Variants in JAG1 observed in about 807,000 individuals in gnomAD.
The protein encoded by JAG1 is jagged canonical Notch ligand 1, also known as protein jagged-1.
JAG1 carries 23 observed loss-of-function variants against 148.7 expected under a neutral mutation model. The ratio of observed to expected loss-of-function variants is 0.15; its 90% CI spans 0.11 to 0.22. JAG1 has a LOEUF of 0.22. Ranked by LOEUF, JAG1 falls within the 10% of genes least tolerant of loss-of-function variation. The pLI, the probability that JAG1 is intolerant of heterozygous loss-of-function variation, is 1.00. For missense variants in JAG1, 1,054 were observed against 1,611.2 expected, an observed-to-expected ratio of 0.65 and a Z score of 5.92; for synonymous variants, 572 against 598.3, an observed-to-expected ratio of 0.96 and a Z score of 0.64.
chr20:10,655,347 C>G (rs1293296599), intron 5 of JAG1, among the ~76,000 whole-genome samples: 1 of 152,148 alleles, frequency 6.6e-6, no homozygotes, highest in Non-Finnish European at 1.5e-5. Flanking sequence ...GGGACGGAGC[C>G]CACGAACCTG....
At position 10,637,912 on chromosome 20, in the gene JAG1, GT is replaced by G. The variant is rs1156902057; in HGVS notation, c.*1585del. ...CGATTACCAGAACAGACTCAGCAGG[GT>G]GGCAGAAGCACATGGCAAAGCCGGT... is the stretch of plus-strand genomic sequence containing the variant. On this transcript the variant is annotated 3_prime_UTR_variant, in exon 26 of 26. Transcript: ENST00000254958. The G allele has an allele frequency of 6.6e-6, 1 of 152,618 alleles. No homozygotes were observed. Among genetic ancestry groups the G allele is most frequent in the African/African-American group, 2.4e-5 (1 of 41,448 alleles). 9.5% of individuals were successfully genotyped at this position (152,618 alleles called of 1,614,324 possible). A position where few individuals can be genotyped will look rare whatever the true frequency, so the allele number is the denominator to read the frequency against.
At chr20:10,652,707 G>C in intron 5 of JAG1, 109 bp from the exon 6 acceptor site, 7 of 1,214,320 alleles carry the variant, frequency 5.8e-6, no homozygotes, top group Non-Finnish European at 8.3e-6. Context: ...TTGTTTCTGG[G>C]GACAGGAAGG....
intron 2 of JAG1, among the ~76,000 whole-genome samples, chr20:10,666,183 T>C (rs1415824993): frequency 6.6e-6 from 1 of 152,046 alleles, no homozygotes; most frequent in African/African-American, 2.4e-5. Context: ...AGAAAAAGGA[T>C]TCCCTCCAAG....
Position 10,642,542 on chromosome 20 carries a change from T to G in JAG1, c.2518A>C (p.Asn840His). The G allele has an allele frequency of 6.2e-7, 1 of 1,614,106 alleles. No individual in the cohort carries two copies. Among genetic ancestry groups the G allele is most frequent in the African/African-American group, 1.3e-5 (1 of 75,036 alleles). Residue 840 changes from asparagine (N) to histidine (H), a missense_variant, in exon 21 of 26, where the codon AAT becomes CAT. This residue lies in a region of JAG1 where 342 missense variants were observed against 514.6 expected (regional missense o/e 0.66). Coordinates refer to ENST00000254958, the MANE Select transcript of JAG1 (RefSeq NM_000214.3). ...AFGATCVDEINGYRCVCPPGH... is the reference protein window; with the variant it reads ...AFGATCVDEIHGYRCVCPPGH... ...GGAGGGCAGACACACCGGTAGCCAT[T>G]GATCTCATCCACACAGGTCGCTCCA... is the stretch of plus-strand genomic sequence containing the variant.
Position 10,673,023 on chromosome 20 carries a change from G to GAGGT in JAG1, c.82-21_82-18dup, listed in dbSNP as rs1278698716. The GAGGT allele has an allele frequency of 1.2e-6, 2 of 1,603,620 alleles. No individual in the cohort carries two copies. Among genetic ancestry groups the GAGGT allele is most frequent in the Non-Finnish European group, 1.7e-6 (2 of 1,179,728 alleles). On this transcript the variant is annotated splice_polypyrimidine_tract_variant and intron_variant, in intron 1 of 25. Transcript: ENST00000254958. This position sits in a 1 kb window ranked among gnomAD's most constrained non-coding sequence, Gnocchi z 4.7. Reference sequence around the variant, plus strand: ...CCCACACACCTGCCGGCGAGGGAAGGAGGTAGGTCAGCGCGGGAGAAAGCT... The same window carrying GAGGT: ...CCCACACACCTGCCGGCGAGGGAAGGAGGTAGGTAGGTCAGCGCGGGAGAAAGCT...
intron 21 of JAG1, among the ~76,000 whole-genome samples, chr20:10,642,126 C>T (rs1382024761): frequency 6.6e-6 from 1 of 152,162 alleles, no homozygotes; most frequent in African/African-American, 2.4e-5. Context: ...CTTTGACTAG[C>T]CTCTTGCACA....
intron 2 of JAG1, among the ~76,000 whole-genome samples, chr20:10,672,168 C>T (rs771870759): frequency 9.2e-5 from 14 of 152,124 alleles, no homozygotes; most frequent in Non-Finnish European, 1.5e-4. Flanking sequence ...GGAGAGCGCC[C>T]CCGCACACAC....
At position 10,642,986 on chromosome 20, in the gene JAG1, A is replaced by G. The variant is rs534470542; in HGVS notation, c.2459-385T>C. On this transcript the variant is annotated intron_variant, in intron 20 of 25. Transcript: ENST00000254958. ...CTCTTGTGGTATCATGAAAGTAGCCATAGACAATACATAAATGAATGTGTG... is the reference window on the plus strand; with the variant it reads ...CTCTTGTGGTATCATGAAAGTAGCCGTAGACAATACATAAATGAATGTGTG... 5.2e-5 allele frequency among the ~76,000 whole-genome samples: 8 copies of G among 152,388 alleles called. No individual in the cohort carries two copies. In the South Asian group the frequency reaches 1.7e-3, roughly 32 times the overall value.
Position 10,673,509 on chromosome 20 carries a change from C to A in JAG1, c.22G>T (p.Gly8Cys), listed in dbSNP as rs1417343061. The change falls in exon 1 of 26, where the codon GGC becomes TGC. Residue 8 changes from glycine to cysteine, a missense_variant. By Grantham distance (159) the Gly-to-Cys change is radical. This residue lies in a region of JAG1 where 151 missense variants were observed against 211.1 expected (regional missense o/e 0.72). Coordinates refer to ENST00000254958, the MANE Select transcript of JAG1 (RefSeq NM_000214.3). The surrounding 1 kb of genome is among the most constrained non-coding windows in gnomAD (Gnocchi z 4.7). Reference sequence around the variant, plus strand: ...AGGCTTAGGGGGCGCCCGGACCGGCCGCGCGTCCGTGGGGAACGCATCGCT... The same window carrying A: ...AGGCTTAGGGGGCGCCCGGACCGGCAGCGCGTCCGTGGGGAACGCATCGCT... MRSPRTR[G>C]RSGRPLSLLL... 1 of 1,265,320 alleles carries A rather than the reference C, an allele frequency of 7.9e-7. No individual in the cohort carries two copies. The highest frequency in any genetic ancestry group is 1.6e-5 in the African/African-American group (1 of 64,486). 78.4% of individuals were successfully genotyped at this position (1,265,320 alleles called of 1,614,324 possible).
intron 2 of JAG1, among the ~76,000 whole-genome samples, chr20:10,672,388 G>C (rs140190717): frequency 6.6e-6 from 1 of 152,174 alleles, no homozygotes; most frequent in Non-Finnish European, 1.5e-5. Context: ...GCTTGGGGCC[G>C]GGAGAGTTAC....
intron 2 of JAG1, among the ~76,000 whole-genome samples, chr20:10,669,583 A>AAAAAAAAATAG (rs2067481704): frequency 7.2e-6 from 1 of 139,622 alleles, no homozygotes; most frequent in African/African-American, 2.7e-5. Context: ...AAAAAAAAAA[A>AAAAAAAAATAG]AAAAAGTTGA....
intron 13 of JAG1, 77 bp downstream of exon 13, chr20:10,647,883 A>C: frequency 6.8e-7 from 1 of 1,473,440 alleles, no homozygotes; most frequent in Middle Eastern, 2.2e-4. Flanking sequence ...TCTCAAGTGT[A>C]ACAAGGGGCA....
rs1311151273 is a variant in JAG1 at position 10,652,108 on chromosome 20, C to T, written c.1006+23G>A. ...GTACAGAAAAATTAGACAAAGGGCT[C>T]TCATTCATCTTGGACCACTTACCAA... On this transcript the variant is annotated intron_variant, in intron 7 of 25. Coordinates refer to ENST00000254958, the MANE Select transcript of JAG1 (RefSeq NM_000214.3). 5.0e-6 allele frequency: 8 copies of T among 1,613,356 alleles called. No individual in the cohort carries two copies. The Admixed American group carries it at 6.7e-5, about 13-fold the overall frequency.
rs1004616974 is a variant in JAG1, at chr20:10,645,537, A to G, written c.2000-68T>C. 1 of 1,238,638 alleles carries G rather than the reference A, an allele frequency of 8.1e-7. No individual in the cohort carries two copies. Among genetic ancestry groups the G allele is most frequent in the Non-Finnish European group, 1.2e-6 (1 of 843,992 alleles). 76.7% of individuals were successfully genotyped at this position (1,238,638 alleles called of 1,614,324 possible). A position where few individuals can be genotyped will look rare whatever the true frequency, so the allele number is the denominator to read the frequency against. The stretch of plus-strand genomic sequence containing the variant: ...GACCATTCACGACAGGCGAGAGCCA[A>G]GCCTTTCCTACTGCTTACATCCAAC... On this transcript the variant is annotated intron_variant, in intron 15 of 25. Coordinates refer to ENST00000254958, the MANE Select transcript of JAG1 (RefSeq NM_000214.3). The surrounding 1 kb of genome is among the most constrained non-coding windows in gnomAD (Gnocchi z 6.1).
chr20:10,650,521 G>A (rs776502107), intron 8 of JAG1, 161 bp from the exon 9 acceptor site: 25 of 628,400 alleles, frequency 4.0e-5, no homozygotes, highest in Non-Finnish European at 7.2e-5. Flanking sequence ...CGATAAGGCC[G>A]AAGCCTTGAT....
Position 10,652,212 on chromosome 20 carries a change from C to T in JAG1, c.925G>A (p.Gly309Arg), listed in dbSNP as rs750195672. Residue 309 changes from glycine to arginine, a missense_variant, in exon 7 of 26, where the codon GGG (glycine) becomes AGG (arginine). Coordinates refer to ENST00000254958, the MANE Select transcript of JAG1 (RefSeq NM_000214.3). ...GGGCCTGTGTTGCTACAAGTTCCCCCGTTGAGACACGGCTGATGAGTCCCA... is the reference window on the plus strand; with the variant it reads ...GGGCCTGTGTTGCTACAAGTTCCCCTGTTGAGACACGGCTGATGAGTCCCA... ...YCGTHQPCLN[G>R]GTCSNTGPDK... is the part of the protein sequence containing the mutation. 7 of 1,613,932 alleles carry T rather than the reference C, an allele frequency of 4.3e-6. No individual in the cohort carries two copies. The highest frequency in any genetic ancestry group is 1.7e-5 in the Admixed American group (1 of 59,998).
chr20:10,669,268 C>T (rs1424781984), intron 2 of JAG1, among the ~76,000 whole-genome samples: 3 of 152,088 alleles, frequency 2.0e-5, no homozygotes, highest in African/African-American at 7.2e-5. Context: ...CACACATGCT[C>T]TTTCTTTGTA....
intron 2 of JAG1, among the ~76,000 whole-genome samples, chr20:10,668,108 A>AAAAAC (rs1427703151): frequency 6.6e-6 from 1 of 151,434 alleles, no homozygotes; most frequent in Non-Finnish European, 1.5e-5. Context: ...AAAAAAAAAA[A>AAAAAC]AAAAAAAACA....
intron 2 of JAG1, among the ~76,000 whole-genome samples, chr20:10,669,547 C>CCAAAAAAA (rs2067480718): frequency 4.5e-5 from 2 of 44,198 alleles, no homozygotes; most frequent in African/African-American, 1.7e-4. Context: ...TTGGATTTTC[C>CCAAAAAAA]AAAAAAAAAA....
Sources: gnomAD v4.1 joint callset for allele counts (sites outside exome capture counted in the v4.1 genomes callset) on GRCh38, gnomAD v4.1.1 for gene constraint, gnomAD v4.1.1 regional missense constraint, Gnocchi (gnomAD v3.1) non-coding constraint, MANE v1.5 for transcripts, NCBI Gene and HGNC (gene_info 2026-07-23, HGNC 2026-07-21) for gene names.